Variants in SMIM5 observed in about 807,000 individuals in gnomAD.
The protein encoded by SMIM5 is chromosome 17 open reading frame 109.
SMIM5 carries 4 observed loss-of-function variants against 4.0 expected under a neutral mutation model. The observed-to-expected ratio is 1.01, with a 90% confidence interval of 0.50 to 2.30. The LOEUF (loss-of-function observed/expected upper bound fraction) is 2.30, where lower values mean the gene tolerates loss of function less well. Ranked by LOEUF, SMIM5 falls within the 30% of genes most tolerant of loss-of-function variation. The pLI, the probability that SMIM5 is intolerant of heterozygous loss-of-function variation, is 0.02. For synonymous variants in SMIM5, 46 were observed against 43.6 expected (o/e 1.05, Z -0.22); for missense variants, 107 against 99.2 (o/e 1.08, Z -0.34).
At chr17:75,635,345 G>T (rs2059299894) in intron 1 of SMIM5, among the ~76,000 whole-genome samples, 1 of 152,178 alleles carries the variant, frequency 6.6e-6, no homozygotes, top group Non-Finnish European at 1.5e-5. Flanking sequence ...CCCCAGGCAG[G>T]CAGGTGGGGA....
chr17:75,639,757 GT>G (rs1410521223), intron 1 of SMIM5: 2 of 156,618 alleles, frequency 1.3e-5, no homozygotes, highest in African/African-American at 4.8e-5. Context: ...TGCTCCTTCT[GT>G]CCCCACATTG....
rs1251550232 is a variant in SMIM5 at position 75,640,373 on chromosome 17, G to A, written c.127+45G>A. On this transcript the variant is annotated intron_variant, in intron 2 of 2. Coordinates refer to ENST00000375215, the MANE Select transcript of SMIM5 (RefSeq NM_001162995.3). The surrounding 1 kb of genome is among the most constrained non-coding windows in gnomAD (Gnocchi z 4.6). ...ACCCCATGGCTCTCCCTGGCATCTG[G>A]GAGAGACCACACCATGGTGCCAGCC... is the stretch of plus-strand genomic sequence containing the variant. The A allele has an allele frequency of 2.0e-6, 3 of 1,496,384 alleles. No homozygotes were observed. Among genetic ancestry groups the A allele is most frequent in the Admixed American group, 2.3e-5 (1 of 43,332 alleles). The allele number at this position is 1,496,384 out of a possible 1,614,324, so 92.7% of individuals were successfully genotyped here. A position where few individuals can be genotyped will look rare whatever the true frequency, so the allele number is the denominator to read the frequency against.
chr17:75,640,940 A>G lies in SMIM5; in HGVS notation c.*43A>G, dbSNP rs2059425929. On this transcript the variant is annotated 3_prime_UTR_variant, in exon 3 of 3. Transcript: ENST00000375215. The surrounding 1 kb of genome is among the most constrained non-coding windows in gnomAD (Gnocchi z 4.6). ...AGGAGAAGCTGGAGAGGAGATGGCC[A>G]ATGCCATGACACAGGCCATCAGCCT... 1 of 1,534,470 alleles carries G rather than the reference A, an allele frequency of 6.5e-7. No individual in the cohort carries two copies. Among genetic ancestry groups the G allele is most frequent in the African/African-American group, 1.4e-5 (1 of 72,982 alleles).
chr17:75,633,951 G>C lies in SMIM5; in HGVS notation c.-288G>C. Reference sequence around the variant, plus strand: ...TCTCAGGGCAGAGGTGAGGCACCGGGACATGAAGTTGGAGGACAAGTTCCC... The same window carrying C: ...TCTCAGGGCAGAGGTGAGGCACCGGCACATGAAGTTGGAGGACAAGTTCCC... On this transcript the variant is annotated 5_prime_UTR_variant, in exon 1 of 3. Transcript: ENST00000375215. 1.0e-6 allele frequency: 1 copy of C among 985,682 alleles called. No homozygotes were observed. The highest frequency in any genetic ancestry group is 1.2e-6 in the Non-Finnish European group (1 of 830,062). 61.1% of individuals were successfully genotyped at this position (985,682 alleles called of 1,614,324 possible). A position where few individuals can be genotyped will look rare whatever the true frequency, so the allele number is the denominator to read the frequency against.
intron 1 of SMIM5, 127 bp downstream of exon 1, chr17:75,634,329 T>A: frequency 6.6e-6 from 6 of 904,352 alleles, no homozygotes; most frequent in Non-Finnish European, 7.9e-6. Flanking sequence ...CTGGGTCGCT[T>A]CCCTGCAGGG....
At position 75,636,292 on chromosome 17, in the gene SMIM5, C is replaced by T. The variant is rs1338081005; in HGVS notation, c.-37+2090C>T. Among the ~76,000 whole-genome samples the T allele has an allele frequency of 6.6e-6, 1 of 151,910 alleles. No individual in the cohort carries two copies. Among genetic ancestry groups the T allele is most frequent in the Admixed American group, 6.6e-5 (1 of 15,258 alleles). On this transcript the variant is annotated intron_variant, in intron 1 of 2. Coordinates refer to ENST00000375215, the MANE Select transcript of SMIM5 (RefSeq NM_001162995.3). This position sits in a 1 kb window ranked among gnomAD's most constrained non-coding sequence, Gnocchi z 5.4. ...TGGTTCGCAGGTGGGCACTACCAAGCGTGGGGTTGGGAGGGACTGGTTGCC... is the reference window on the plus strand; with the variant it reads ...TGGTTCGCAGGTGGGCACTACCAAGTGTGGGGTTGGGAGGGACTGGTTGCC...
At chr17:75,638,108 G>A (rs905438421) in intron 1 of SMIM5, 6 of 152,058 alleles carry the variant, frequency 3.9e-5, no homozygotes, top group African/African-American at 1.4e-4. Flanking sequence ...TCTAACTCAG[G>A]GAACCCACGG....
Position 75,640,170 on chromosome 17 carries a change from C to T in SMIM5, c.-32C>T, listed in dbSNP as rs574299059. 366 of 1,527,160 alleles carry T rather than the reference C, an allele frequency of 2.4e-4. 1 individual carries two copies. The highest frequency in any genetic ancestry group is 2.1e-3 in the Middle Eastern group (11 of 5,236). 94.6% of individuals were successfully genotyped at this position (1,527,160 alleles called of 1,614,324 possible). ...GTGTTCTCTCTGCCCCAGCAGAGCC[C>T]GGCAGGAGCCCCAACAGGAAGCCAG... is the stretch of plus-strand genomic sequence containing the variant. On this transcript the variant is annotated 5_prime_UTR_variant, in exon 2 of 3. Transcript: ENST00000375215. The surrounding 1 kb of genome is among the most constrained non-coding windows in gnomAD (Gnocchi z 4.6).
At position 75,633,712 on chromosome 17, in the gene SMIM5, G is replaced by A; in HGVS notation, c.-527G>A. ...GACAGAAGGGGTGGCCTTCCTGAGG[G>A]CAGGGTGGGTGCCCCAGACCTGAGA... On this transcript the variant is annotated 5_prime_UTR_variant, in exon 1 of 3. Coordinates refer to ENST00000375215, the MANE Select transcript of SMIM5 (RefSeq NM_001162995.3). The A allele has an allele frequency of 8.9e-7, 1 of 1,123,392 alleles. No homozygotes were observed. Among genetic ancestry groups the A allele is most frequent in the Non-Finnish European group, 1.1e-6 (1 of 906,786 alleles). 69.6% of individuals were successfully genotyped at this position (1,123,392 alleles called of 1,614,324 possible).
chr17:75,640,730 G>T lies in SMIM5; in HGVS notation c.128-61G>T. The T allele has an allele frequency of 6.6e-7, 1 of 1,526,306 alleles. No homozygotes were observed. 94.5% of individuals were successfully genotyped at this position (1,526,306 alleles called of 1,614,324 possible). A position where few individuals can be genotyped will look rare whatever the true frequency, so the allele number is the denominator to read the frequency against. On this transcript the variant is annotated intron_variant, in intron 2 of 2. Transcript: ENST00000375215. The surrounding 1 kb of genome is among the most constrained non-coding windows in gnomAD (Gnocchi z 4.6). ...TGGCAGGCAGTGGGTTTCTCTGGGAGGAGGGTGGGCATCCTTTCTCTCCCC... is the reference window on the plus strand; with the variant it reads ...TGGCAGGCAGTGGGTTTCTCTGGGATGAGGGTGGGCATCCTTTCTCTCCCC...
Position 75,640,251 on chromosome 17 carries a change from T to G in SMIM5, c.50T>G (p.Leu17Arg). 6.4e-7 allele frequency: 1 copy of G among 1,551,442 alleles called. No individual in the cohort carries two copies. Among genetic ancestry groups the G allele is most frequent in the Non-Finnish European group, 8.7e-7 (1 of 1,146,904 alleles). Residue 17 changes from leucine to arginine, a missense_variant, in exon 2 of 3, where the codon CTG becomes CGG. Physicochemically the swap from Leu to Arg is moderately radical, Grantham distance 102. Transcript: ENST00000375215. This position sits in a 1 kb window ranked among gnomAD's most constrained non-coding sequence, Gnocchi z 4.6. ...GAGATGCGCGCCGTGGGCGAGAGGC[T>G]GCTGCTCAAGCTGCAGAGACTGCCC... Reference protein sequence around the residue: ...VQEMRAVGERLLLKLQRLPQA... With the variant: ...VQEMRAVGERRLLKLQRLPQA...
At chr17:75,634,497 C>G (rs2148255665) in intron 1 of SMIM5, among the ~76,000 whole-genome samples, 1 of 152,338 alleles carries the variant, frequency 6.6e-6, no homozygotes, top group Admixed American at 6.5e-5. Flanking sequence ...CATTTCAGCT[C>G]TTTTATTCAG....
At chr17:75,635,082 A>G (rs958935674) in intron 1 of SMIM5, among the ~76,000 whole-genome samples, 1 of 152,114 alleles carries the variant, frequency 6.6e-6, no homozygotes, top group African/African-American at 2.4e-5. Context: ...ACCACCCCCC[A>G]TATGTTTTCC....
At position 75,633,867 on chromosome 17, in the gene SMIM5, G is replaced by C; in HGVS notation, c.-372G>C. The C allele has an allele frequency of 3.0e-6, 3 of 994,568 alleles. No individual in the cohort carries two copies. The allele number at this position is 994,568 out of a possible 1,614,324, so 61.6% of individuals were successfully genotyped here. ...CAGCCCACGGCGTGGGAGTCGGGGA[G>C]AGGGAGAGGAGGAGGAAGGAGGAGG... On this transcript the variant is annotated 5_prime_UTR_variant, in exon 1 of 3. Coordinates refer to ENST00000375215, the MANE Select transcript of SMIM5 (RefSeq NM_001162995.3).
intron 1 of SMIM5, among the ~76,000 whole-genome samples, chr17:75,635,414 A>T (rs971709632): frequency 3.3e-5 from 5 of 152,304 alleles, no homozygotes; most frequent in African/African-American, 1.2e-4. Context: ...CAGTCCCTGA[A>T]CCAGGACGGA....
chr17:75,633,987 T>A lies in SMIM5; in HGVS notation c.-252T>A. ...GGAGGACAAGTTCCCAAGCAGGGCTTCCTCGGGCTCCCCCTCGCGACGGTA... is the reference window on the plus strand; with the variant it reads ...GGAGGACAAGTTCCCAAGCAGGGCTACCTCGGGCTCCCCCTCGCGACGGTA... On this transcript the variant is annotated 5_prime_UTR_variant, in exon 1 of 3. Coordinates refer to ENST00000375215, the MANE Select transcript of SMIM5 (RefSeq NM_001162995.3). The A allele has an allele frequency of 5.1e-6, 5 of 985,376 alleles. No homozygotes were observed. Among genetic ancestry groups the A allele is most frequent in the Non-Finnish European group, 4.8e-6 (4 of 829,978 alleles). The allele number at this position is 985,376 out of a possible 1,614,324, so 61.0% of individuals were successfully genotyped here.
At chr17:75,639,281 G>C (rs543792032) in intron 1 of SMIM5, 2 of 152,558 alleles carry the variant, frequency 1.3e-5, no homozygotes, top group Admixed American at 6.5e-5. Flanking sequence ...CCCTGGATTA[G>C]AGCAACTGCC....
In SMIM5 at chr17:75,634,339, G is replaced by A. The variant is rs1313145084; in HGVS notation, c.-37+137G>A. On this transcript the variant is annotated intron_variant, in intron 1 of 2. Coordinates refer to ENST00000375215, the MANE Select transcript of SMIM5 (RefSeq NM_001162995.3). The stretch of plus-strand genomic sequence containing the variant: ...ACATGCTGGGTCGCTTCCCTGCAGG[G>A]AAGTCAGCCAGCCTCCTGCACACAC... 4.8e-6 allele frequency: 4 copies of A among 827,098 alleles called. No homozygotes were observed. In the African/African-American group the frequency reaches 7.4e-5, roughly 15 times the overall value. The allele number at this position is 827,098 out of a possible 1,614,324, so 51.2% of individuals were successfully genotyped here.
In SMIM5 at chr17:75,640,914, G is replaced by A; in HGVS notation, c.*17G>A. ...CCACCATGACGGACGGGCGATGGCT[G>A]AGGAGAAGCTGGAGAGGAGATGGCC... On this transcript the variant is annotated 3_prime_UTR_variant, in exon 3 of 3. Coordinates refer to ENST00000375215, the MANE Select transcript of SMIM5 (RefSeq NM_001162995.3). The surrounding 1 kb of genome is among the most constrained non-coding windows in gnomAD (Gnocchi z 4.6). 6.5e-7 allele frequency: 1 copy of A among 1,540,486 alleles called. No homozygotes were observed.
Sources: gnomAD v4.1 joint callset for allele counts (sites outside exome capture counted in the v4.1 genomes callset) on GRCh38, gnomAD v4.1.1 for gene constraint, Gnocchi (gnomAD v3.1) non-coding constraint, MANE v1.5 for transcripts, NCBI Gene and HGNC (gene_info 2026-07-23, HGNC 2026-07-21) for gene names.